Variants in PDLIM5 observed in about 807,000 individuals in gnomAD.
The protein encoded by PDLIM5 is PDZ and LIM domain 5.
A neutral mutation model predicts 64.2 loss-of-function variants in PDLIM5; 34 were observed. The observed-to-expected ratio is 0.53, with a 90% confidence interval of 0.40 to 0.71. PDLIM5 has a LOEUF of 0.71. Among genes scored for constraint, PDLIM5 ranks in the 30% least tolerant of loss-of-function variants. PDLIM5 has a pLI of 0.00. For missense variants in PDLIM5, 683 were observed against 733.6 expected, an observed-to-expected ratio of 0.93 and a Z score of 0.80; for synonymous variants, 253 against 269.1, an observed-to-expected ratio of 0.94 and a Z score of 0.59.
chr4:94,548,669 C>T (rs1464886971), intron 3 of PDLIM5, among the ~76,000 whole-genome samples: 2 of 152,140 alleles, frequency 1.3e-5, no homozygotes, highest in Admixed American at 1.3e-4. Flanking sequence ...CTCTGAGTGA[C>T]TCACATTATT....
intron 9 of PDLIM5, among the ~76,000 whole-genome samples, chr4:94,642,171 A>G (rs143523439): frequency 5.4e-4 from 82 of 152,320 alleles, no homozygotes; most frequent in African/African-American, 1.9e-3. Context: ...GGGATACTAT[A>G]TTCTGGATAA....
chr4:94,585,147 G>C, intron 5 of PDLIM5: 1 of 550,318 alleles, frequency 1.8e-6, no homozygotes, highest in Non-Finnish European at 3.2e-6. Context: ...CTGGAGTGCA[G>C]TGGTGCGATC....
intron 9 of PDLIM5, among the ~76,000 whole-genome samples, chr4:94,646,171 T>C (rs1480356577): frequency 1.3e-5 from 2 of 152,222 alleles, no homozygotes; most frequent in Non-Finnish European, 2.9e-5. Flanking sequence ...GTGAACCGAA[T>C]TGTGTCTTCC....
Position 94,495,428 on chromosome 4 carries a change from G to A in PDLIM5, c.97-28296G>A, listed in dbSNP as rs148556772. Among the ~76,000 whole-genome samples the A allele has an allele frequency of 4.6e-5, 7 of 152,090 alleles. No individual in the cohort carries two copies. The East Asian group carries it at 1.4e-3, about 29-fold the overall frequency. ...TTAAATTTTTCTTAAGACTTCTTAA[G>A]TTGCAGTAACTGTCTATCAGATGTT... is the stretch of plus-strand genomic sequence containing the variant. On this transcript the variant is annotated intron_variant, in intron 2 of 12. Transcript: ENST00000317968.
chr4:94,470,055 C>G (rs1194427476), intron 2 of PDLIM5, among the ~76,000 whole-genome samples: 1 of 146,880 alleles, frequency 6.8e-6, no homozygotes, highest in Non-Finnish European at 1.5e-5. Context: ...CAACCTCCGC[C>G]TCTCGGGTTT....
intron 3 of PDLIM5, among the ~76,000 whole-genome samples, chr4:94,567,245 G>C (rs4590045): frequency 0.23 from 34,241 of 152,018 alleles, 4,152 homozygotes; most frequent in African/African-American, 0.3. Context: ...TGCCCACCTT[G>C]GCCTCCCAAC....
intron 3 of PDLIM5, among the ~76,000 whole-genome samples, chr4:94,556,062 C>G (rs896910687): frequency 5.3e-5 from 8 of 149,950 alleles, no homozygotes; most frequent in East Asian, 3.9e-4. Flanking sequence ...CGCCTCCCCC[C>G]ACCCCACAAC....
intron 7 of PDLIM5, among the ~76,000 whole-genome samples, chr4:94,601,488 TG>T (rs980864323): frequency 2.2e-4 from 33 of 152,326 alleles, no homozygotes; most frequent in African/African-American, 7.5e-4. Context: ...TATCCCTTTT[TG>T]TTTGCCTATC....
chr4:94,491,189 G>A (rs570530565), intron 2 of PDLIM5, among the ~76,000 whole-genome samples: 25 of 152,206 alleles, frequency 1.6e-4, no homozygotes, highest in East Asian at 1.4e-3. Context: ...TGCTGATTCC[G>A]ACTGCTAAGG....
chr4:94,579,315 T>TA, intron 5 of PDLIM5: 1 of 335,942 alleles, frequency 3.0e-6, no homozygotes, highest in Non-Finnish European at 5.6e-6. Context: ...TTAAGTGATT[T>TA]ACCTTTTCCC....
rs189460444 is a variant in PDLIM5 at position 94,550,628 on chromosome 4, G to T, written c.249-22723G>T. Among the ~76,000 whole-genome samples, 11 of 152,180 alleles carry T rather than the reference G, an allele frequency of 7.2e-5. No individual in the cohort carries two copies. The East Asian group carries it at 2.1e-3, about 29-fold the overall frequency. ...AGATTGACTTAAGCTTTGATGACTT[G>T]CAAGTCCATAAATATCTCATTTTGG... is the stretch of plus-strand genomic sequence containing the variant. On this transcript the variant is annotated intron_variant, in intron 3 of 12. Coordinates refer to ENST00000317968, the MANE Select transcript of PDLIM5 (RefSeq NM_006457.5).
intron 2 of PDLIM5, among the ~76,000 whole-genome samples, chr4:94,516,173 G>A (rs1258158451): frequency 6.6e-6 from 1 of 152,170 alleles, no homozygotes; most frequent in Non-Finnish European, 1.5e-5. Flanking sequence ...TGCTGTATCA[G>A]CAAAAGCCCT....
chr4:94,576,858 A>G (rs565278686), intron 5 of PDLIM5, among the ~76,000 whole-genome samples: 1 of 152,226 alleles, frequency 6.6e-6, no homozygotes, highest in Non-Finnish European at 1.5e-5. Flanking sequence ...TTTTTCAGCA[A>G]CCTTCAATTA....
chr4:94,612,260 A>G (rs1338594979), intron 7 of PDLIM5, among the ~76,000 whole-genome samples: 1 of 152,148 alleles, frequency 6.6e-6, no homozygotes, highest in Non-Finnish European at 1.5e-5. Flanking sequence ...AAAAATATAT[A>G]TATATTTACC....
At chr4:94,608,035 T>C (rs1738068584) in intron 7 of PDLIM5, 1 of 1,499,284 alleles carries the variant, frequency 6.7e-7, no homozygotes, top group Non-Finnish European at 8.9e-7. Context: ...CTTTGCCTTA[T>C]ATATTTTACT....
At chr4:94,609,666 G>A (rs1001587966) in intron 7 of PDLIM5, among the ~76,000 whole-genome samples, 1 of 152,018 alleles carries the variant, frequency 6.6e-6, no homozygotes, top group Non-Finnish European at 1.5e-5. Context: ...TTCTTGATAA[G>A]CAGTCTGTTG....
At position 94,665,887 on chromosome 4, in the gene PDLIM5, C is replaced by T. The variant is rs1743057081; in HGVS notation, c.*1820C>T. On this transcript the variant is annotated 3_prime_UTR_variant, in exon 13 of 13. Transcript: ENST00000317968. ...CTCAGATTGGCCTGTTATTTGATTT[C>T]CTCCTTTGGGAAAAGAATTATGTAG... 1.4e-6 allele frequency: 2 copies of T among 1,420,672 alleles called. No individual in the cohort carries two copies. Among genetic ancestry groups the T allele is most frequent in the South Asian group, 3.2e-5 (2 of 62,224 alleles). 88.0% of individuals were successfully genotyped at this position (1,420,672 alleles called of 1,614,324 possible).
At chr4:94,502,276 C>G (rs1319804067) in intron 2 of PDLIM5, among the ~76,000 whole-genome samples, 4 of 152,056 alleles carry the variant, frequency 2.6e-5, no homozygotes, top group African/African-American at 9.7e-5. Context: ...CCTGACTTAT[C>G]CAGCCTACTA....
intron 7 of PDLIM5, among the ~76,000 whole-genome samples, chr4:94,595,545 A>G (rs1423700976): frequency 1.3e-5 from 2 of 152,234 alleles, no homozygotes; most frequent in Admixed American, 6.5e-5. Context: ...GGAGAAACCT[A>G]TTACCTTTGT....
Sources: allele counts gnomAD v4.1 joint callset (sites outside exome capture counted in the v4.1 genomes callset), GRCh38; gene constraint gnomAD v4.1.1; transcripts MANE v1.5; gene names NCBI Gene and HGNC (gene_info 2026-07-23, HGNC 2026-07-21).